SAE1: variants seen among roughly 807,000 people sequenced by gnomAD.
SAE1 encodes the protein SUMO1 activating enzyme subunit 1.
A neutral mutation model predicts 40.6 loss-of-function variants in SAE1; 11 were observed. That is an observed-to-expected ratio of 0.27 (90% CI 0.17 to 0.45). The LOEUF is 0.45. Among genes scored for constraint, SAE1 ranks in the 20% least tolerant of loss-of-function variants. The pLI, the probability that SAE1 is intolerant of heterozygous loss-of-function variation, is 1.00. For missense variants in SAE1, 373 were observed against 427.3 expected, an observed-to-expected ratio of 0.87 and a Z score of 1.12; for synonymous variants, 155 against 154.3, an observed-to-expected ratio of 1.00 and a Z score of -0.03.
At chr19:47,180,071 G>A in intron 6 of SAE1, 2 of 412,382 alleles carry the variant, frequency 4.8e-6, no homozygotes, top group South Asian at 3.5e-5. Context: ...ATGAACTCAT[G>A]GTTTCTTATA....
At chr19:47,158,881 A>G (rs79766856) in intron 5 of SAE1, among the ~76,000 whole-genome samples, 1 of 152,210 alleles carries the variant, frequency 6.6e-6, no homozygotes, top group African/African-American at 2.4e-5. Flanking sequence ...ACAAAGAGGG[A>G]TACCCCTGAA....
chr19:47,205,459 A>T (rs1323981478), intron 8 of SAE1, among the ~76,000 whole-genome samples: 1 of 151,792 alleles, frequency 6.6e-6, no homozygotes, highest in East Asian at 1.9e-4. Context: ...CAATGGCCAT[A>T]CCTCTTTCCT....
intron 6 of SAE1, among the ~76,000 whole-genome samples, chr19:47,182,294 A>T (rs939480501): frequency 6.6e-6 from 1 of 152,180 alleles, no homozygotes; most frequent in East Asian, 1.9e-4. Flanking sequence ...TTTGGGTATG[A>T]CATTCCCCAG....
chr19:47,174,550 C>A (rs963275829), intron 6 of SAE1, among the ~76,000 whole-genome samples: 13 of 149,326 alleles, frequency 8.7e-5, no homozygotes, highest in African/African-American at 3.2e-4. Flanking sequence ...GCATATGTCA[C>A]CACGCCTGGC....
At chr19:47,145,684 A>C (rs927090953) in intron 2 of SAE1, among the ~76,000 whole-genome samples, 1 of 152,076 alleles carries the variant, frequency 6.6e-6, no homozygotes, top group Non-Finnish European at 1.5e-5. Context: ...GGGTTCAAGC[A>C]CTTCTCCTGC....
chr19:47,186,934 CTG>C (rs2058548099), intron 6 of SAE1, among the ~76,000 whole-genome samples: 3 of 152,286 alleles, frequency 2.0e-5, no homozygotes. Flanking sequence ...CCTCTAGAGA[CTG>C]TGAGCTCCGC....
chr19:47,143,460 C>A (rs1320036723), intron 1 of SAE1, 34 bp from the exon 2 acceptor site: 1 of 1,519,656 alleles, frequency 6.6e-7, no homozygotes, highest in Non-Finnish European at 9.1e-7. Context: ...GCTCACTGTT[C>A]TGTATCATCA....
At chr19:47,177,268 A>G (rs141668938) in intron 6 of SAE1, among the ~76,000 whole-genome samples, 2 of 152,364 alleles carry the variant, frequency 1.3e-5, no homozygotes, top group East Asian at 1.9e-4. Context: ...GTTCTTGCCA[A>G]TGTGAAAGAC....
In SAE1 at chr19:47,150,209, C is replaced by T; in HGVS notation, c.218C>T (p.Pro73Leu). 1 of 1,585,836 alleles carries T rather than the reference C, an allele frequency of 6.3e-7. No individual in the cohort carries two copies. Among genetic ancestry groups the T allele is most frequent in the Non-Finnish European group, 8.6e-7 (1 of 1,169,342 alleles). The change falls in exon 3 of 9, where the codon CCA becomes CTA. Residue 73 changes from proline (P) to leucine (L), a missense_variant. Around this residue, in one of 3 missense-constraint regions of SAE1, gnomAD observed 351 missense variants for 390.6 expected, o/e 0.90. Coordinates refer to ENST00000270225, the MANE Select transcript of SAE1 (RefSeq NM_005500.3). ...LTMLDHEQVT[P>L]EDPGAQFLIR... Reference sequence around the variant, plus strand: ...TATGTGTATTATTCCTAGGTAACTCCAGAAGATCCCGGAGCTCAGTTCTTG... The same window carrying T: ...TATGTGTATTATTCCTAGGTAACTCTAGAAGATCCCGGAGCTCAGTTCTTG...
At chr19:47,192,082 A>G (rs924620496) in intron 6 of SAE1, among the ~76,000 whole-genome samples, 2 of 151,892 alleles carry the variant, frequency 1.3e-5, no homozygotes, top group African/African-American at 4.8e-5. Context: ...AAGAGAGAGA[A>G]AGAAAATATA....
At chr19:47,172,080 A>C (rs1390818090) in intron 6 of SAE1, among the ~76,000 whole-genome samples, 3 of 147,928 alleles carry the variant, frequency 2.0e-5, no homozygotes, top group African/African-American at 7.5e-5. Context: ...CAGCACACCC[A>C]GCTAATTTTT....
chr19:47,132,929 C>T (rs893017052), intron 1 of SAE1, among the ~76,000 whole-genome samples: 6 of 149,930 alleles, frequency 4.0e-5, no homozygotes, highest in Non-Finnish European at 8.9e-5. Flanking sequence ...GTATATGTGT[C>T]AGTTATTAAA....
intron 8 of SAE1, among the ~76,000 whole-genome samples, chr19:47,204,318 C>G (rs1356968953): frequency 6.7e-6 from 1 of 149,668 alleles, no homozygotes; most frequent in Non-Finnish European, 1.5e-5. Context: ...CTACCTTAGC[C>G]TTCCAAGTAG....
chr19:47,153,882 C>T (rs2058303335), intron 4 of SAE1, among the ~76,000 whole-genome samples: 1 of 151,848 alleles, frequency 6.6e-6, no homozygotes, highest in South Asian at 2.1e-4. Flanking sequence ...ATCTCTGCCT[C>T]CTGGGTTCAA....
chr19:47,145,955 T>C (rs1468767430), intron 2 of SAE1, among the ~76,000 whole-genome samples: 7 of 115,380 alleles, frequency 6.1e-5, no homozygotes, highest in Admixed American at 9.1e-5. Context: ...TTTTTTTTTT[T>C]CCGGAAACCA....
At chr19:47,190,346 T>C in intron 6 of SAE1, among the ~76,000 whole-genome samples, 1 of 106,870 alleles carries the variant, frequency 9.4e-6, no homozygotes, top group Non-Finnish European at 2.2e-5. Context: ...AACAGTGGTA[T>C]GTGTGCGTGT....
At position 47,199,648 on chromosome 19, in the gene SAE1, G is replaced by A. The variant is rs375823492; in HGVS notation, c.878+2271G>A. Among the ~76,000 whole-genome samples, 32 of 152,194 alleles carry A rather than the reference G, an allele frequency of 2.1e-4. 1 individual carries two copies. In the East Asian group the frequency reaches 2.5e-3, roughly 12 times the overall value. ...AGTAGTCACTTGGCTGCACACTCACGGCCCAGCACACAGCCCCAGGTATGC... is the reference window on the plus strand; with the variant it reads ...AGTAGTCACTTGGCTGCACACTCACAGCCCAGCACACAGCCCCAGGTATGC... On this transcript the variant is annotated intron_variant, in intron 7 of 8. Coordinates refer to ENST00000270225, the MANE Select transcript of SAE1 (RefSeq NM_005500.3).
intron 5 of SAE1, among the ~76,000 whole-genome samples, chr19:47,163,613 G>T (rs925491157): frequency 1.3e-5 from 2 of 152,092 alleles, no homozygotes; most frequent in Non-Finnish European, 2.9e-5. Context: ...TGTAATCCCA[G>T]CTACTCAGGA....
Position 47,155,154 on chromosome 19 carries a change from G to C in SAE1, c.568G>C (p.Asp190His). The C allele has an allele frequency of 6.2e-7, 1 of 1,614,068 alleles. No individual in the cohort carries two copies. The highest frequency in any genetic ancestry group is 2.2e-5 in the East Asian group (1 of 44,882). The change falls in exon 5 of 9, where the codon GAT (aspartate) becomes CAT (histidine). Residue 190 changes from aspartate (D) to histidine (H), a missense_variant. By Grantham distance (81) the Asp-to-His change is moderately conservative. Coordinates refer to ENST00000270225, the MANE Select transcript of SAE1 (RefSeq NM_005500.3). ...TGCCAAAGTTAGCCAAGGAGTAGAA[G>C]ATGGGCCCGACACCAAGAGAGCAAA... Reference protein sequence around the residue: ...KVAKVSQGVEDGPDTKRAKLD... With the variant: ...KVAKVSQGVEHGPDTKRAKLD...
Sources: allele counts gnomAD v4.1 joint callset (sites outside exome capture counted in the v4.1 genomes callset), GRCh38; gene constraint gnomAD v4.1.1; regional missense constraint gnomAD v4.1.1; transcripts MANE v1.5; gene names NCBI Gene and HGNC (gene_info 2026-07-23, HGNC 2026-07-21).